The following MACROD2 variants were observed in gnomAD, a reference collection of about 807,000 sequenced individuals.
The protein encoded by MACROD2 is mono-ADP ribosylhydrolase 2.
Under a neutral mutation model 70.4 loss-of-function variants are expected in MACROD2, and 36 were observed. The ratio of observed to expected loss-of-function variants is 0.51; its 90% CI spans 0.39 to 0.68. The LOEUF (loss-of-function observed/expected upper bound fraction) is 0.68, where lower values mean the gene tolerates loss of function less well. Ranked by LOEUF, MACROD2 falls within the 30% of genes least tolerant of loss-of-function variation. The pLI is 0.00. For missense variants in MACROD2, 496 were observed against 538.4 expected, an observed-to-expected ratio of 0.92 and a Z score of 0.78; for synonymous variants, 172 against 178.8, an observed-to-expected ratio of 0.96 and a Z score of 0.30.
chr20:15,530,074 T>C (rs929022856), intron 8 of MACROD2, among the ~76,000 whole-genome samples: 1 of 152,206 alleles, frequency 6.6e-6, no homozygotes, highest in Non-Finnish European at 1.5e-5. Flanking sequence ...TAACTGATAA[T>C]AAACCTGATT....
chr20:14,032,583 A>T (rs1364068642), intron 2 of MACROD2, among the ~76,000 whole-genome samples: 1 of 152,106 alleles, frequency 6.6e-6, no homozygotes, highest in African/African-American at 2.4e-5. Context: ...TGGGTCAATT[A>T]CCTGTTCATA....
rs369655298 is a variant in MACROD2, at chr20:15,311,162, G to A, written c.540+81101G>A. 9.2e-5 allele frequency among the ~76,000 whole-genome samples: 14 copies of A among 152,012 alleles called. No homozygotes were observed. In the East Asian group the frequency reaches 2.5e-3, roughly 27 times the overall value. The stretch of plus-strand genomic sequence containing the variant: ...AATTGTTTTCTTATGCATATTTTAG[G>A]ATCCATGATAAAAACTATGCAGTAA... On this transcript the variant is annotated intron_variant, in intron 6 of 17. Transcript: ENST00000684519.
rs146275442 is a variant in MACROD2 at position 14,810,729 on chromosome 20, C to T, written c.418+125770C>T. On this transcript the variant is annotated intron_variant, in intron 5 of 17. Transcript: ENST00000684519. ...AAAAACTCCTTAAGCTGATAAGGAA[C>T]TTCAGCAAAGTCTCAGGATACAAAA... 2.5e-3 allele frequency among the ~76,000 whole-genome samples: 388 copies of T among 152,228 alleles called. 2 individuals carry two copies. Among genetic ancestry groups the T allele is most frequent in the Non-Finnish European group, 4.1e-3 (277 of 67,992 alleles).
In MACROD2 at chr20:14,800,148, GTT is replaced by G. The variant is rs555979251; in HGVS notation, c.418+115200_418+115201del. Among the ~76,000 whole-genome samples the G allele has an allele frequency of 3.0e-3, 438 of 146,578 alleles. 1 individual carries two copies. Among genetic ancestry groups the G allele is most frequent in the African/African-American group, 0.01 (412 of 40,156 alleles). ...TAATTTCTTGATTTCTATGACTTCA[GTT>G]TTTTTTTTTTCCTGCTCCATTTTAG... On this transcript the variant is annotated intron_variant, in intron 5 of 17. Coordinates refer to ENST00000684519, the MANE Select transcript of MACROD2 (RefSeq NM_001351661.2).
At position 15,754,349 on chromosome 20, in the gene MACROD2, G is replaced by A. The variant is rs111797371; in HGVS notation, c.646-108396G>A. The stretch of plus-strand genomic sequence containing the variant: ...ATAAAGAGCTTAGTCTAGGCCAAGC[G>A]CGGTGGCTCACGCCCGTAATCTCAG... On this transcript the variant is annotated intron_variant, in intron 8 of 17. Coordinates refer to ENST00000684519, the MANE Select transcript of MACROD2 (RefSeq NM_001351661.2). Among the ~76,000 whole-genome samples, 145 of 152,296 alleles carry A rather than the reference G, an allele frequency of 9.5e-4. 1 individual carries two copies. The highest frequency in any genetic ancestry group is 2.6e-3 in the African/African-American group (108 of 41,552).
chr20:15,468,859 G>T (rs2046929486), intron 7 of MACROD2, among the ~76,000 whole-genome samples: 1 of 152,036 alleles, frequency 6.6e-6, no homozygotes, highest in Admixed American at 6.6e-5. Context: ...GAACATTTTT[G>T]CTCTCTTAGA....
chr20:15,121,337 C>T (rs927335328), intron 5 of MACROD2, among the ~76,000 whole-genome samples: 4 of 151,794 alleles, frequency 2.6e-5, no homozygotes, highest in Non-Finnish European at 5.9e-5. Context: ...CACGGTGAAA[C>T]CCTGTCGCTA....
At chr20:15,598,036 GC>G (rs11474875) in intron 8 of MACROD2, among the ~76,000 whole-genome samples, 142,248 of 152,208 alleles carry the variant, frequency 0.93, 66,568 homozygotes, top group African/African-American at 0.98. Flanking sequence ...CCAAGATTGT[GC>G]CCACTGCACT....
intron 5 of MACROD2, among the ~76,000 whole-genome samples, chr20:14,860,330 G>A (rs1466746646): frequency 6.6e-6 from 1 of 151,932 alleles, no homozygotes; most frequent in Non-Finnish European, 1.5e-5. Context: ...AAGAATTTAT[G>A]CAAAAGATTG....
intron 6 of MACROD2, among the ~76,000 whole-genome samples, chr20:15,402,071 G>A (rs56336713): frequency 0.044 from 6,750 of 152,146 alleles, 507 homozygotes; most frequent in African/African-American, 0.15. Context: ...ATACTCCTTG[G>A]CGGCATTTTC....
At chr20:15,489,537 C>A (rs1378709630) in intron 7 of MACROD2, among the ~76,000 whole-genome samples, 1 of 152,200 alleles carries the variant, frequency 6.6e-6, no homozygotes, top group Non-Finnish European at 1.5e-5. Flanking sequence ...CCCACACACA[C>A]TCTGCAATGA....
chr20:16,007,269 A>G (rs889996271), intron 15 of MACROD2, among the ~76,000 whole-genome samples: 3 of 152,220 alleles, frequency 2.0e-5, no homozygotes, highest in Non-Finnish European at 4.4e-5. Flanking sequence ...GAGTTTCACT[A>G]TTATTGCTTT....
chr20:15,906,420 CA>C (rs1359440731), intron 10 of MACROD2, among the ~76,000 whole-genome samples: 2 of 152,142 alleles, frequency 1.3e-5, no homozygotes, highest in Non-Finnish European at 2.9e-5. Context: ...AATAAGTTGC[CA>C]ATCTACTGTT....
intron 3 of MACROD2, among the ~76,000 whole-genome samples, chr20:14,115,646 A>G (rs1333474021): frequency 1.3e-5 from 2 of 152,200 alleles, no homozygotes; most frequent in African/African-American, 2.4e-5. Flanking sequence ...TTGAAAAAAC[A>G]GTGTGTTCAC....
intron 8 of MACROD2, among the ~76,000 whole-genome samples, chr20:15,846,415 A>G (rs1272292334): frequency 1.3e-5 from 2 of 151,742 alleles, no homozygotes; most frequent in Non-Finnish European, 2.9e-5. Flanking sequence ...AGTTTGCCCC[A>G]CCCCTCCAAC....
intron 6 of MACROD2, among the ~76,000 whole-genome samples, chr20:15,405,091 C>T (rs2045981757): frequency 6.6e-6 from 1 of 152,070 alleles, no homozygotes; most frequent in African/African-American, 2.4e-5. Context: ...CAAATCCATA[C>T]ACACAGAATG....
Position 15,301,006 on chromosome 20 carries a change from G to A in MACROD2, c.540+70945G>A, listed in dbSNP as rs186921894. On this transcript the variant is annotated intron_variant, in intron 6 of 17. Coordinates refer to ENST00000684519, the MANE Select transcript of MACROD2 (RefSeq NM_001351661.2). ...AGTGGGGAGGTCCTGCCTGCACCTT[G>A]GTGAGCTTGCCCCCACATGGCACCA... Among the ~76,000 whole-genome samples the A allele has an allele frequency of 2.1e-3, 326 of 152,260 alleles. 2 individuals are homozygous for A. The highest frequency in any genetic ancestry group is 3.6e-3 in the Non-Finnish European group (248 of 68,012).
intron 3 of MACROD2, among the ~76,000 whole-genome samples, chr20:14,458,040 G>A (rs924658180): frequency 8.6e-5 from 13 of 151,914 alleles, no homozygotes; most frequent in African/African-American, 3.1e-4. Context: ...GGCAGAGTTT[G>A]CAGTGAGCAG....
chr20:15,948,963 T>C (rs2065867479), intron 12 of MACROD2, among the ~76,000 whole-genome samples: 1 of 152,228 alleles, frequency 6.6e-6, no homozygotes, highest in Non-Finnish European at 1.5e-5. Context: ...CATAGTGTTT[T>C]GGACCTGAAT....
Sources: gnomAD v4.1 joint callset for allele counts (sites outside exome capture counted in the v4.1 genomes callset) on GRCh38, gnomAD v4.1.1 for gene constraint, MANE v1.5 for transcripts, NCBI Gene and HGNC (gene_info 2026-07-23, HGNC 2026-07-21) for gene names.